CLASRP: variants seen among roughly 807,000 people sequenced by gnomAD.
CLASRP encodes CLK4-associating serine/arginine rich protein.
CLASRP carries 52 observed loss-of-function variants against 99.9 expected under a neutral mutation model. That is an observed-to-expected ratio of 0.52 (90% CI 0.42 to 0.66). The LOEUF is 0.66. CLASRP is among the 30% of genes least tolerant of loss of function. The pLI is 0.00. For missense variants in CLASRP, 848 were observed against 999.2 expected (o/e 0.85, Z 2.04); for synonymous variants, 379 against 373.0 (o/e 1.02, Z -0.18).
intron 5 of CLASRP, among the ~76,000 whole-genome samples, chr19:45,055,392 C>T (rs777134249): frequency 1.3e-5 from 2 of 152,140 alleles, no homozygotes; most frequent in Non-Finnish European, 2.9e-5. Flanking sequence ...GCAGGGAGAG[C>T]GAGGGCGCTT....
rs184989409 is a variant in CLASRP, at chr19:45,057,004, C to T, written c.464+470C>T. On this transcript the variant is annotated intron_variant, in intron 6 of 20. Coordinates refer to ENST00000221455, the MANE Select transcript of CLASRP (RefSeq NM_007056.3). ...TCTGGAGAGAGGCTTCTTAAAGCCG[C>T]GTCCCTCAAGGAGTAGCTGGGGAGA... 3.7e-3 allele frequency among the ~76,000 whole-genome samples: 566 copies of T among 152,256 alleles called. 2 individuals are homozygous for T. The highest frequency in any genetic ancestry group is 0.013 in the African/African-American group (538 of 41,542).
At chr19:45,055,643 G>T (rs1739510378) in intron 5 of CLASRP, among the ~76,000 whole-genome samples, 1 of 152,170 alleles carries the variant, frequency 6.6e-6, no homozygotes, top group Admixed American at 6.5e-5. Flanking sequence ...AGACCAGCCT[G>T]ACCAATATGG....
chr19:45,059,408 A>G (rs1184176962), intron 8 of CLASRP, 44 bp downstream of exon 8: 26 of 1,465,060 alleles, frequency 1.8e-5, no homozygotes, highest in Non-Finnish European at 2.2e-5. Context: ...TGTGGGCCCC[A>G]CCCTGGCATC....
chr19:45,048,575 G>A (rs1384416104), intron 2 of CLASRP, among the ~76,000 whole-genome samples: 1 of 151,334 alleles, frequency 6.6e-6, no homozygotes, highest in Admixed American at 6.6e-5. Context: ...TAAATAAAAA[G>A]AAGCAGATTT....
intron 17 of CLASRP, 22 bp downstream of exon 17, chr19:45,069,146 T>C (rs1370818020): frequency 1.2e-6 from 2 of 1,613,054 alleles, no homozygotes; most frequent in Non-Finnish European, 1.7e-6. Context: ...AAGGGAGGGC[T>C]GGGGTGACGG....
intron 7 of CLASRP, 39 bp from the exon 8 acceptor site, chr19:45,059,229 G>C (rs1014953869): frequency 6.4e-7 from 1 of 1,558,422 alleles, no homozygotes; most frequent in Non-Finnish European, 8.8e-7. Flanking sequence ...CTGTCCTCTC[G>C]CTCGGCCGTG....
chr19:45,070,530 T>G lies in CLASRP; in HGVS notation c.1958-7T>G, dbSNP rs1241567406. ...TGCTCGCTCTTCACCTGTTGTTTTC[T>G]TTCCAGGTCGAGAATACAGCTCTTC... On this transcript the variant is annotated splice_region_variant and splice_polypyrimidine_tract_variant and intron_variant, in intron 19 of 20. Transcript: ENST00000221455. The G allele has an allele frequency of 6.2e-7, 1 of 1,613,940 alleles. No individual in the cohort carries two copies.
chr19:45,043,824 G>A (rs989830933), intron 2 of CLASRP, among the ~76,000 whole-genome samples: 2 of 152,222 alleles, frequency 1.3e-5, no homozygotes, highest in East Asian at 3.9e-4. Flanking sequence ...CTGGGTCTCT[G>A]TTGGTCATAG....
rs368029967 is a variant in CLASRP, at chr19:45,060,359, C to G, written c.711-30C>G. ...TCCTTACCCTGTGGCCTGCCCCATC[C>G]TCCACCCTAATTCTCACCCACCTCT... On this transcript the variant is annotated intron_variant, in intron 8 of 20. Transcript: ENST00000221455. This position sits in a 1 kb window ranked among gnomAD's most constrained non-coding sequence, Gnocchi z 4.6. 88 of 1,606,314 alleles carry G rather than the reference C, an allele frequency of 5.5e-5. No individual in the cohort carries two copies. The African/African-American group carries it at 1.1e-3, about 21-fold the overall frequency.
rs527281242 is a variant in CLASRP at position 45,049,911 on chromosome 19, G to A, written c.100-2160G>A. ...CTCAAAAGAAAACAAGTGGAGTTAA[G>A]TGAGTGAATTGTGTGGTATATGAAT... On this transcript the variant is annotated intron_variant, in intron 2 of 20. Coordinates refer to ENST00000221455, the MANE Select transcript of CLASRP (RefSeq NM_007056.3). Among the ~76,000 whole-genome samples, 3 of 152,310 alleles carry A rather than the reference G, an allele frequency of 2.0e-5. No homozygotes were observed. In the East Asian group the frequency reaches 5.8e-4, roughly 29 times the overall value.
intron 2 of CLASRP, among the ~76,000 whole-genome samples, chr19:45,042,674 A>G (rs1971835325): frequency 6.6e-6 from 1 of 151,132 alleles, no homozygotes; most frequent in East Asian, 1.9e-4. Flanking sequence ...GTGCAGTGGC[A>G]TGATGTCAGC....
At chr19:45,042,500 A>C (rs1247696907) in intron 2 of CLASRP, among the ~76,000 whole-genome samples, 1 of 149,782 alleles carries the variant, frequency 6.7e-6, no homozygotes, top group Non-Finnish European at 1.5e-5. Flanking sequence ...ACTCCATCTC[A>C]AAAAAAAAAT....
At position 45,070,867 on chromosome 19, in the gene CLASRP, AGGACAAGGGGGTGGGT is replaced by A; in HGVS notation, c.*23_*38del. On this transcript the variant is annotated 3_prime_UTR_variant, in exon 21 of 21. Coordinates refer to ENST00000221455, the MANE Select transcript of CLASRP (RefSeq NM_007056.3). The stretch of plus-strand genomic sequence containing the variant: ...TTAGGCAGAAGAGTGGGGGGTGGGG[AGGACAAGGGGGTGGGT>A]AAGGGGCTCAAGCTGTGATGCTGCT... The A allele has an allele frequency of 1.2e-6, 1 of 802,562 alleles. No homozygotes were observed. Among genetic ancestry groups the A allele is most frequent in the Non-Finnish European group, 2.0e-6 (1 of 508,046 alleles). 49.7% of individuals were successfully genotyped at this position (802,562 alleles called of 1,614,324 possible).
rs763685476 is a variant in CLASRP, at chr19:45,064,599, C to CGTG, written c.1384_1386dup (p.Gly462dup). 1 of 1,550,604 alleles carries CGTG rather than the reference C, an allele frequency of 6.4e-7. No homozygotes were observed. The highest frequency in any genetic ancestry group is 8.7e-7 in the Non-Finnish European group (1 of 1,153,802). On this transcript the variant is annotated inframe_insertion, in exon 13 of 21. Coordinates refer to ENST00000221455, the MANE Select transcript of CLASRP (RefSeq NM_007056.3). ...CCGGTACTCCCGCTCGCCCGCCCGG[C>CGTG]GTGGTGGTTACGGGCCCCGGCGCAG...
chr19:45,069,001 AAAAG>A (rs1194481508), intron 16 of CLASRP, 61 bp from the exon 17 acceptor site: 6 of 1,448,134 alleles, frequency 4.1e-6, no homozygotes, highest in Non-Finnish European at 4.8e-6. Flanking sequence ...AAAAAAAAAA[AAAAG>A]AAAAAAGAGA....
Position 45,056,372 on chromosome 19 carries a change from C to T in CLASRP, c.380-78C>T, listed in dbSNP as rs532628507. The stretch of plus-strand genomic sequence containing the variant: ...TGGGGTTGCACCTGTCTTCCTGCCC[C>T]ACCGCACCCTTGTGTTCCCCCACTG... On this transcript the variant is annotated intron_variant, in intron 5 of 20. Coordinates refer to ENST00000221455, the MANE Select transcript of CLASRP (RefSeq NM_007056.3). The T allele has an allele frequency of 8.2e-5, 107 of 1,298,452 alleles. No individual in the cohort carries two copies. The African/African-American group carries it at 1.4e-3, about 17-fold the overall frequency. 80.4% of individuals were successfully genotyped at this position (1,298,452 alleles called of 1,614,324 possible).
chr19:45,058,197 C>T (rs1972158240), intron 7 of CLASRP: 2 of 416,448 alleles, frequency 4.8e-6, no homozygotes, highest in Non-Finnish European at 9.0e-6. Context: ...GCCCCTCTCT[C>T]CTGCTCTCTT....
rs1240159396 is a variant in CLASRP, at chr19:45,040,640, C to G, written c.99+329C>G. ...TTCGCTTATTGCTGTGTTCCCCATT[C>G]CCAGAAGAGCTCAGCCACTCTTGAG... On this transcript the variant is annotated intron_variant, in intron 2 of 20. Coordinates refer to ENST00000221455, the MANE Select transcript of CLASRP (RefSeq NM_007056.3). 3 of 230,526 alleles carry G rather than the reference C, an allele frequency of 1.3e-5. No individual in the cohort carries two copies. In the East Asian group the frequency reaches 2.8e-4, roughly 22 times the overall value. The allele number at this position is 230,526 out of a possible 1,614,324, so 14.3% of individuals were successfully genotyped here. A position where few individuals can be genotyped will look rare whatever the true frequency, so the allele number is the denominator to read the frequency against.
chr19:45,063,567 CTCCTGAGT>C (rs1416219937), intron 11 of CLASRP, among the ~76,000 whole-genome samples: 4 of 150,664 alleles, frequency 2.7e-5, no homozygotes, highest in African/African-American at 9.8e-5. Flanking sequence ...TGCCCTCAGC[CTCCTGAGT>C]AGCTGGAATT....
Sources: allele counts gnomAD v4.1 joint callset (sites outside exome capture counted in the v4.1 genomes callset), GRCh38; gene constraint gnomAD v4.1.1; non-coding constraint Gnocchi (gnomAD v3.1); transcripts MANE v1.5; gene names NCBI Gene and HGNC (gene_info 2026-07-23, HGNC 2026-07-21).